CRACR2A: variants seen among roughly 807,000 people sequenced by gnomAD.
CRACR2A encodes the protein calcium release activated channel regulator 2A, also known as EF-hand calcium-binding domain-containing protein 4B.
CRACR2A carries 79 observed loss-of-function variants against 90.5 expected under a neutral mutation model. That is an observed-to-expected ratio of 0.87 (90% CI 0.73 to 1.05). The LOEUF is 1.05. Among genes scored for constraint, CRACR2A ranks in the 50% least tolerant of loss-of-function variants. The pLI is 0.00. For synonymous variants in CRACR2A, 338 were observed against 356.7 expected (o/e 0.95, Z 0.59); for missense variants, 823 against 897.2 (o/e 0.92, Z 1.06).
intron 3 of CRACR2A, among the ~76,000 whole-genome samples, chr12:3,700,900 TA>T (rs1306598133): frequency 2.0e-5 from 3 of 152,218 alleles, no homozygotes; most frequent in African/African-American, 7.2e-5. Context: ...CAATGACAGC[TA>T]AATATACTTT....
intron 7 of CRACR2A, among the ~76,000 whole-genome samples, chr12:3,669,993 T>C (rs904868951): frequency 6.6e-6 from 1 of 152,242 alleles, no homozygotes; most frequent in African/African-American, 2.4e-5. Context: ...CGCTGTCTAA[T>C]GTTTCATTTG....
At position 3,637,067 on chromosome 12, in the gene CRACR2A, A is replaced by G. The variant is rs1015522264; in HGVS notation, c.1602+1057T>C. Among the ~76,000 whole-genome samples, 3 of 152,210 alleles carry G rather than the reference A, an allele frequency of 2.0e-5. No individual in the cohort carries two copies. In the East Asian group the frequency reaches 5.8e-4, roughly 29 times the overall value. ...GTCCCAAACGAGGCAAAGAGCATCT[A>G]TCACCATGAGCCAGAGGAGCCGCTT... is the stretch of plus-strand genomic sequence containing the variant. On this transcript the variant is annotated intron_variant, in intron 14 of 19. Coordinates refer to ENST00000440314, the MANE Select transcript of CRACR2A (RefSeq NM_001144958.2).
At chr12:3,692,622 CCTT>C (rs1231220647) in intron 4 of CRACR2A, among the ~76,000 whole-genome samples, 1 of 152,156 alleles carries the variant, frequency 6.6e-6, no homozygotes, top group Non-Finnish European at 1.5e-5. Flanking sequence ...TGGGATCTGT[CCTT>C]CTTTGTACGT....
chr12:3,627,610 C>A lies in CRACR2A; in HGVS notation c.1817+15G>T, dbSNP rs775868979. ...GCCTTCCCTCTGGAGCCCAGAACTTCGGGCAGCTCCTCACCTCTCCTGCCC... is the reference window on the plus strand; with the variant it reads ...GCCTTCCCTCTGGAGCCCAGAACTTAGGGCAGCTCCTCACCTCTCCTGCCC... On this transcript the variant is annotated intron_variant, in intron 16 of 19. Transcript: ENST00000440314. 1 of 1,551,646 alleles carries A rather than the reference C, an allele frequency of 6.4e-7. No individual in the cohort carries two copies. Among genetic ancestry groups the A allele is most frequent in the East Asian group, 2.4e-5 (1 of 40,922 alleles).
chr12:3,722,484 G>A lies in CRACR2A; in HGVS notation c.-117-9167C>T, dbSNP rs144243432. On this transcript the variant is annotated intron_variant, in intron 2 of 19. Coordinates refer to ENST00000440314, the MANE Select transcript of CRACR2A (RefSeq NM_001144958.2). The stretch of plus-strand genomic sequence containing the variant: ...AAGGAGACTAGACCCATGAGAGGCC[G>A]TGGGGACCTGGAATGGCACAGCCAC... 2.8e-4 allele frequency among the ~76,000 whole-genome samples: 43 copies of A among 152,310 alleles called. No individual in the cohort carries two copies. In the East Asian group the frequency reaches 6.8e-3, roughly 24 times the overall value.
chr12:3,631,227 T>C (rs947906553), intron 15 of CRACR2A, among the ~76,000 whole-genome samples: 1 of 152,208 alleles, frequency 6.6e-6, no homozygotes, highest in Non-Finnish European at 1.5e-5. Flanking sequence ...TTGATATTTT[T>C]TCCCCTTCCT....
chr12:3,685,799 T>A (rs1945541526), intron 4 of CRACR2A, among the ~76,000 whole-genome samples: 1 of 152,210 alleles, frequency 6.6e-6, no homozygotes, highest in Non-Finnish European at 1.5e-5. Context: ...GTTCTGGAGA[T>A]AAATGATAAT....
chr12:3,648,516 G>A, intron 11 of CRACR2A, 26 bp downstream of exon 11: 2 of 1,614,178 alleles, frequency 1.2e-6, no homozygotes, highest in Non-Finnish European at 1.7e-6. Flanking sequence ...GGTGCTCTCA[G>A]CACAGGCCAG....
intron 8 of CRACR2A, among the ~76,000 whole-genome samples, chr12:3,658,742 A>G (rs976144979): frequency 5.3e-5 from 8 of 152,206 alleles, no homozygotes; most frequent in Admixed American, 2.6e-4. Context: ...GGAGGCTGCC[A>G]TCTAAGATCA....
chr12:3,617,595 C>T (rs868728278), intron 18 of CRACR2A, among the ~76,000 whole-genome samples: 3 of 152,218 alleles, frequency 2.0e-5, no homozygotes, highest in African/African-American at 7.2e-5. Flanking sequence ...ACTCTAGCTG[C>T]CCTGGCTGTC....
At chr12:3,723,564 G>A (rs1035646625) in intron 2 of CRACR2A, among the ~76,000 whole-genome samples, 1 of 152,002 alleles carries the variant, frequency 6.6e-6, no homozygotes, top group Admixed American at 6.5e-5. Flanking sequence ...GCCCCTAGGT[G>A]TCCCTAGGGG....
chr12:3,670,313 A>G (rs191565103), intron 7 of CRACR2A, among the ~76,000 whole-genome samples: 4 of 152,128 alleles, frequency 2.6e-5, no homozygotes, highest in Admixed American at 2.6e-4. Flanking sequence ...CGCCTGGGAG[A>G]TATTCTCACA....
At chr12:3,638,905 T>A (rs1944508908) in intron 13 of CRACR2A, among the ~76,000 whole-genome samples, 1 of 152,240 alleles carries the variant, frequency 6.6e-6, no homozygotes, top group Non-Finnish European at 1.5e-5. Flanking sequence ...CATTAGCAGA[T>A]GACCTTGGCT....
intron 14 of CRACR2A, among the ~76,000 whole-genome samples, chr12:3,634,330 C>T (rs915402740): frequency 2.0e-5 from 3 of 152,258 alleles, no homozygotes; most frequent in African/African-American, 7.2e-5. Context: ...CGGTTCCCAT[C>T]GAGGCACTGC....
intron 17 of CRACR2A, among the ~76,000 whole-genome samples, chr12:3,625,941 G>A (rs146229859): frequency 4.1e-4 from 63 of 152,242 alleles, no homozygotes; most frequent in African/African-American, 1.3e-3. Flanking sequence ...GAGAAAGATC[G>A]TGTCGTAAAC....
chr12:3,677,848 C>T (rs1462798544), intron 6 of CRACR2A, among the ~76,000 whole-genome samples: 1 of 152,240 alleles, frequency 6.6e-6, no homozygotes, highest in Non-Finnish European at 1.5e-5. Flanking sequence ...AGGCACTTGC[C>T]TATCCCTTTC....
chr12:3,648,929 C>T (rs1944743199), intron 10 of CRACR2A, among the ~76,000 whole-genome samples: 1 of 152,184 alleles, frequency 6.6e-6, no homozygotes, highest in African/African-American at 2.4e-5. Flanking sequence ...TCCACAGCCA[C>T]TTCACATGCC....
At chr12:3,674,875 C>T (rs964412160) in intron 6 of CRACR2A, among the ~76,000 whole-genome samples, 2 of 152,162 alleles carry the variant, frequency 1.3e-5, no homozygotes, top group East Asian at 1.9e-4. Context: ...TTTCAAGTTT[C>T]CAGCTATTGA....
intron 14 of CRACR2A, 146 bp downstream of exon 14, chr12:3,637,978 A>G: frequency 1.3e-6 from 1 of 754,552 alleles, no homozygotes. Flanking sequence ...AGCAGGGGAA[A>G]GTGGTATTTG....
Sources: allele counts gnomAD v4.1 joint callset (sites outside exome capture counted in the v4.1 genomes callset), GRCh38; gene constraint gnomAD v4.1.1; transcripts MANE v1.5; gene names NCBI Gene and HGNC (gene_info 2026-07-23, HGNC 2026-07-21).